The following DLGAP2 variants were observed in gnomAD, a reference collection of about 807,000 sequenced individuals.
DLGAP2 encodes the protein DLG associated protein 2, also known as disks large-associated protein 2.
Under a neutral mutation model 100.3 loss-of-function variants are expected in DLGAP2, and 26 were observed. The observed-to-expected ratio is 0.26, with a 90% CI of 0.19 to 0.36. The LOEUF is 0.36. Ranked by LOEUF, DLGAP2 falls within the 10% of genes least tolerant of loss-of-function variation. DLGAP2 has a pLI of 1.00. For missense variants in DLGAP2, 1,858 were observed against 1,453.2 expected (o/e 1.28, Z -4.53); for synonymous variants, 886 against 630.1 (o/e 1.41, Z -6.08).
intron 4 of DLGAP2, among the ~76,000 whole-genome samples, chr8:1,540,187 C>A (rs1225738033): frequency 1.3e-5 from 2 of 152,210 alleles, no homozygotes; most frequent in Non-Finnish European, 2.9e-5. Context: ...CTGGTCAAGC[C>A]CTCCCCACCA....
chr8:1,256,926 G>A (rs560406901), intron 2 of DLGAP2, among the ~76,000 whole-genome samples: 3 of 152,154 alleles, frequency 2.0e-5, no homozygotes, highest in East Asian at 2.0e-4. Context: ...AGGTGGCCCC[G>A]TGTGTGGACC....
intron 1 of DLGAP2, among the ~76,000 whole-genome samples, chr8:755,847 A>G (rs181593548): frequency 5.3e-5 from 8 of 152,304 alleles, no homozygotes; most frequent in African/African-American, 1.2e-4. Flanking sequence ...GAATTTGTCA[A>G]TTGACTGTCA....
At chr8:1,477,768 A>G (rs907389134) in intron 3 of DLGAP2, among the ~76,000 whole-genome samples, 2 of 151,044 alleles carry the variant, frequency 1.3e-5, no homozygotes, top group African/African-American at 2.4e-5. Flanking sequence ...AAACCAGATT[A>G]TGTGGCCTAG....
chr8:876,173 A>G (rs975782918), intron 1 of DLGAP2, among the ~76,000 whole-genome samples: 1 of 152,342 alleles, frequency 6.6e-6, no homozygotes, highest in African/African-American at 2.4e-5. Context: ...TTAGGAGGAC[A>G]GAAAATATGT....
At chr8:1,696,123 T>C (rs1799392388) in intron 13 of DLGAP2, among the ~76,000 whole-genome samples, 1 of 152,200 alleles carries the variant, frequency 6.6e-6, no homozygotes, top group South Asian at 2.1e-4. Flanking sequence ...TCCAGTTGAA[T>C]GTTGACCCAC....
intron 2 of DLGAP2, among the ~76,000 whole-genome samples, chr8:1,133,431 TA>T (rs1563209005): frequency 6.6e-6 from 1 of 152,282 alleles, no homozygotes; most frequent in African/African-American, 2.4e-5. Context: ...TATATATGAA[TA>T]AAAATATATA....
intron 2 of DLGAP2, among the ~76,000 whole-genome samples, chr8:1,174,623 T>C (rs922377031): frequency 7.3e-5 from 11 of 151,634 alleles, no homozygotes; most frequent in Admixed American, 2.0e-4. Flanking sequence ...AAAATCATTA[T>C]TACTGCCACC....
intron 2 of DLGAP2, among the ~76,000 whole-genome samples, chr8:1,198,521 G>A (rs1271077943): frequency 1.3e-5 from 2 of 152,116 alleles, no homozygotes; most frequent in Non-Finnish European, 2.9e-5. Flanking sequence ...CCAGAGCTCG[G>A]GGGAAGGGGC....
intron 5 of DLGAP2, among the ~76,000 whole-genome samples, chr8:1,560,629 C>T (rs73671213): frequency 7.2e-5 from 11 of 152,136 alleles, no homozygotes; most frequent in East Asian, 5.8e-4. Flanking sequence ...AAAGACCGGG[C>T]GCTCCACTGC....
chr8:934,397 C>T (rs1041287272), intron 2 of DLGAP2, among the ~76,000 whole-genome samples: 1 of 152,196 alleles, frequency 6.6e-6, no homozygotes, highest in Non-Finnish European at 1.5e-5. Flanking sequence ...ACACCTGGCT[C>T]TTTGTTTTCA....
rs1382490793 is a variant in DLGAP2 at position 1,626,643 on chromosome 8, G to A, written c.1443-97G>A. ...CGTTCCCACCTCTGCCCTGTGGTGGGTGCTCAGCCTCTGGGTGTGGGTTGG... is the reference window on the plus strand; with the variant it reads ...CGTTCCCACCTCTGCCCTGTGGTGGATGCTCAGCCTCTGGGTGTGGGTTGG... On this transcript the variant is annotated intron_variant, in intron 6 of 14. Coordinates refer to ENST00000637795, the MANE Select transcript of DLGAP2 (RefSeq NM_001346810.2). The A allele has an allele frequency of 1.7e-5, 25 of 1,469,990 alleles. No homozygotes were observed. In the East Asian group the frequency reaches 4.7e-4, roughly 28 times the overall value. 91.1% of individuals were successfully genotyped at this position (1,469,990 alleles called of 1,614,324 possible). A position where few individuals can be genotyped will look rare whatever the true frequency, so the allele number is the denominator to read the frequency against.
In DLGAP2 at chr8:1,668,317, C is replaced by T. The variant is rs764977434; in HGVS notation, c.1811-12C>T. 6.8e-7 allele frequency: 1 copy of T among 1,470,668 alleles called. No homozygotes were observed. The highest frequency in any genetic ancestry group is 9.0e-7 in the Non-Finnish European group (1 of 1,109,576). The allele number at this position is 1,470,668 out of a possible 1,614,324, so 91.1% of individuals were successfully genotyped here. A position where few individuals can be genotyped will look rare whatever the true frequency, so the allele number is the denominator to read the frequency against. On this transcript the variant is annotated splice_polypyrimidine_tract_variant and intron_variant, in intron 8 of 14. Transcript: ENST00000637795. ...AACACGCCTGTTGACTTGGGACTTT[C>T]TTTTCTTACAGCTGTCTCATATACA...
At chr8:1,431,278 T>C (rs1162964824) in intron 3 of DLGAP2, among the ~76,000 whole-genome samples, 7 of 152,178 alleles carry the variant, frequency 4.6e-5, no homozygotes, top group Admixed American at 6.5e-5. Context: ...ATTCAATGTT[T>C]TGTAATGTTT....
At chr8:1,178,008 G>T (rs1454785941) in intron 2 of DLGAP2, among the ~76,000 whole-genome samples, 3 of 152,226 alleles carry the variant, frequency 2.0e-5, no homozygotes, top group Non-Finnish European at 2.9e-5. Flanking sequence ...GCCGTGGCCA[G>T]TGGTGGTGAA....
At chr8:1,115,393 A>G (rs1805085762) in intron 2 of DLGAP2, among the ~76,000 whole-genome samples, 1 of 152,244 alleles carries the variant, frequency 6.6e-6, no homozygotes, top group African/African-American at 2.4e-5. Flanking sequence ...ATATATATTT[A>G]GAATAGTTAG....
At chr8:1,243,158 C>A (rs76669343) in intron 2 of DLGAP2, among the ~76,000 whole-genome samples, 1 of 152,054 alleles carries the variant, frequency 6.6e-6, no homozygotes, top group Non-Finnish European at 1.5e-5. Flanking sequence ...AAAGGCAGGG[C>A]GTGCTCATGG....
At chr8:1,605,069 G>C (rs781278859) in intron 6 of DLGAP2, among the ~76,000 whole-genome samples, 27 of 152,088 alleles carry the variant, frequency 1.8e-4, no homozygotes, top group Non-Finnish European at 3.4e-4. Context: ...AGCCAACCTC[G>C]GTGCCATCGG....
chr8:1,657,894 G>A (rs539932097), intron 8 of DLGAP2, among the ~76,000 whole-genome samples: 7 of 152,162 alleles, frequency 4.6e-5, no homozygotes, highest in Non-Finnish European at 7.3e-5. Flanking sequence ...AAGAATTTAC[G>A]ACATGGACAC....
At chr8:1,100,173 A>G (rs983038347) in intron 2 of DLGAP2, among the ~76,000 whole-genome samples, 1 of 148,706 alleles carries the variant, frequency 6.7e-6, no homozygotes, top group African/African-American at 2.5e-5. Context: ...CAGCGTGTGT[A>G]GGGAAAACCT....
Sources: allele counts gnomAD v4.1 joint callset (sites outside exome capture counted in the v4.1 genomes callset), GRCh38; gene constraint gnomAD v4.1.1; transcripts MANE v1.5; gene names NCBI Gene and HGNC (gene_info 2026-07-23, HGNC 2026-07-21).